Variants in BPIFB6 observed in about 807,000 individuals in gnomAD.
BPIFB6 encodes BPI fold-containing family B member 6.
A neutral mutation model predicts 54.7 loss-of-function variants in BPIFB6; 47 were observed. The observed-to-expected ratio is 0.86, with a 90% CI of 0.68 to 1.10. BPIFB6 has a LOEUF of 1.10. Ranked by LOEUF, BPIFB6 falls within the 50% of genes least tolerant of loss-of-function variation. The pLI, the probability that BPIFB6 is intolerant of heterozygous loss-of-function variation, is 0.00. For synonymous variants in BPIFB6, 255 were observed against 225.9 expected, an observed-to-expected ratio of 1.13 and a Z score of -1.16; for missense variants, 603 against 564.1, an observed-to-expected ratio of 1.07 and a Z score of -0.70.
chr20:33,035,491 C>T, intron 5 of BPIFB6, 121 bp from the exon 6 acceptor site: 2 of 1,008,788 alleles, frequency 2.0e-6, no homozygotes, highest in African/African-American at 1.6e-5. Context: ...CTTGGGACCT[C>T]AGTTTTCTCC....
chr20:33,043,393 A>C, intron 14 of BPIFB6, 26 bp downstream of exon 14: 1 of 1,597,148 alleles, frequency 6.3e-7, no homozygotes, highest in Non-Finnish European at 8.6e-7. Flanking sequence ...AGGGGAGGTC[A>C]TGTCAATCAA....
chr20:33,037,711 C>A lies in BPIFB6; in HGVS notation c.819C>A (p.Ser273=). ...LSAELALLQK[S]FHVNIQDTMI... ...CAGAGCTTGCCCTTCTGCAGAAGTC[C>A]TTTCATGTGAATATCCAGGATACAA... Residue 273 remains serine (S), a synonymous_variant, in exon 8 of 15, where the codon TCC becomes TCA. Transcript: ENST00000349552. 6.2e-7 allele frequency: 1 copy of A among 1,614,168 alleles called. No individual in the cohort carries two copies. Among genetic ancestry groups the A allele is most frequent in the Non-Finnish European group, 8.5e-7 (1 of 1,180,022 alleles).
chr20:33,032,838 C>G lies in BPIFB6; in HGVS notation c.98-146C>G, dbSNP rs1979162177. The G allele has an allele frequency of 6.5e-6, 4 of 613,970 alleles. No individual in the cohort carries two copies. In the African/African-American group the frequency reaches 7.4e-5, roughly 11 times the overall value. 38.0% of individuals were successfully genotyped at this position (613,970 alleles called of 1,614,324 possible). A position where few individuals can be genotyped will look rare whatever the true frequency, so the allele number is the denominator to read the frequency against. ...TGTCATTGCTGGTGACTCCATCTTC[C>G]CCCATTAGGCTGGGGCGCTGTGGGA... On this transcript the variant is annotated intron_variant, in intron 1 of 14. Transcript: ENST00000349552.
chr20:33,040,985 CTT>C (rs59134684), intron 11 of BPIFB6, among the ~76,000 whole-genome samples: 8,624 of 116,550 alleles, frequency 0.074, 552 homozygotes, highest in African/African-American at 0.26. Flanking sequence ...AGGAGTAGTT[CTT>C]TTTTTTTTTT....
At chr20:33,039,994 G>A (rs1301398656) in intron 10 of BPIFB6, among the ~76,000 whole-genome samples, 1 of 152,220 alleles carries the variant, frequency 6.6e-6, no homozygotes, top group African/African-American at 2.4e-5. Context: ...TCAATAGTAT[G>A]ATGTGTGCAG....
intron 3 of BPIFB6, 70 bp downstream of exon 3, chr20:33,034,360 A>T: frequency 9.7e-7 from 1 of 1,031,210 alleles, no homozygotes; most frequent in South Asian, 1.3e-5. Context: ...ATGCACATAT[A>T]TTGAGTGCCT....
At chr20:33,043,454 AAGGGT>A in intron 14 of BPIFB6, 87 bp downstream of exon 14, 1 of 1,308,102 alleles carries the variant, frequency 7.6e-7, no homozygotes, top group Non-Finnish European at 1.1e-6. Context: ...TCAAACTGGA[AAGGGT>A]AGAGCCTGGG....
intron 11 of BPIFB6, 60 bp from the exon 12 acceptor site, chr20:33,041,910 C>A (rs1034875182): frequency 4.0e-6 from 6 of 1,512,540 alleles, no homozygotes; most frequent in Middle Eastern, 1.7e-4. Flanking sequence ...AGCGCCAGGG[C>A]CACTGGCTCT....
chr20:33,036,779 C>T (rs1354955169), intron 7 of BPIFB6, among the ~76,000 whole-genome samples: 1 of 152,192 alleles, frequency 6.6e-6, no homozygotes, highest in Non-Finnish European at 1.5e-5. Flanking sequence ...CTCATGATCC[C>T]CGCTAGGCTG....
At chr20:33,038,791 G>A (rs950016080) in intron 8 of BPIFB6, 118 bp from the exon 9 acceptor site, 39 of 960,906 alleles carry the variant, frequency 4.1e-5, no homozygotes, top group African/African-American at 3.1e-4. Flanking sequence ...AACTCAGAGC[G>A]TTAAGTATTG....
At chr20:33,035,526 T>C in intron 5 of BPIFB6, 86 bp from the exon 6 acceptor site, 2 of 1,415,604 alleles carry the variant, frequency 1.4e-6, no homozygotes, top group Non-Finnish European at 2.0e-6. Flanking sequence ...ACCAGGGCTC[T>C]TGGGATGGCC....
chr20:33,037,744 C>A lies in BPIFB6; in HGVS notation c.846+6C>A, dbSNP rs1462760703. 3 of 1,613,794 alleles carry A rather than the reference C, an allele frequency of 1.9e-6. No homozygotes were observed. Among genetic ancestry groups the A allele is most frequent in the Admixed American group, 3.3e-5 (2 of 59,982 alleles). ...TGAATATCCAGGATACAATGGTGAG[C>A]TGTCCAGTTCCCCATTTCCATCTGC... On this transcript the variant is annotated splice_donor_region_variant and intron_variant, in intron 8 of 14. Transcript: ENST00000349552.
At chr20:33,037,840 A>G (rs1341528789) in intron 8 of BPIFB6, 102 bp downstream of exon 8, 1 of 1,312,804 alleles carries the variant, frequency 7.6e-7, no homozygotes. Context: ...TGTGGGCAAC[A>G]CTAGGACTGG....
intron 13 of BPIFB6, 25 bp downstream of exon 13, chr20:33,042,903 C>A: frequency 6.2e-7 from 1 of 1,608,322 alleles, no homozygotes; most frequent in Non-Finnish European, 8.5e-7. Context: ...AGGCTTTGGA[C>A]CATGGTGCCA....
rs993110722 is a variant in BPIFB6 at position 33,039,613 on chromosome 20, A to T, written c.1074+93A>T. Reference sequence around the variant, plus strand: ...TTTTTAGTTGACAGCCAAGTCATGGATCAGAGGGATCAGTTAATCTTGATT... The same window carrying T: ...TTTTTAGTTGACAGCCAAGTCATGGTTCAGAGGGATCAGTTAATCTTGATT... On this transcript the variant is annotated intron_variant, in intron 10 of 14. Transcript: ENST00000349552. The T allele has an allele frequency of 2.3e-6, 3 of 1,291,634 alleles. No homozygotes were observed. The African/African-American group carries it at 4.5e-5, about 19-fold the overall frequency. 80.0% of individuals were successfully genotyped at this position (1,291,634 alleles called of 1,614,324 possible).
At position 33,037,663 on chromosome 20, in the gene BPIFB6, G is replaced by A. The variant is rs1183114134; in HGVS notation, c.771G>A (p.Leu257=). 2.5e-6 allele frequency: 4 copies of A among 1,614,166 alleles called. No individual in the cohort carries two copies. The South Asian group carries it at 3.3e-5, about 13-fold the overall frequency. ...ATGCCAAAGGCTCGTCGCAGCTGCT[G>A]CTCCCAGCCACCTTCCTCTCTGCAG... ...EGYAKGSSQL[L]LPATFLSAEL... The change falls in exon 8 of 15, where the codon CTG becomes CTA. Residue 257 remains leucine, a synonymous_variant. Coordinates refer to ENST00000349552, the MANE Select transcript of BPIFB6 (RefSeq NM_174897.2).
At chr20:33,036,026 G>A (rs1174062139) in intron 6 of BPIFB6, among the ~76,000 whole-genome samples, 2 of 152,030 alleles carry the variant, frequency 1.3e-5, no homozygotes, top group African/African-American at 4.8e-5. Flanking sequence ...CCATCATTTT[G>A]GGGTCCCATT....
At chr20:33,042,638 G>C (rs1454367985) in intron 12 of BPIFB6, among the ~76,000 whole-genome samples, 177 bp from the exon 13 acceptor site, 2 of 152,204 alleles carry the variant, frequency 1.3e-5, no homozygotes, top group Non-Finnish European at 2.9e-5. Flanking sequence ...GAAGGACACG[G>C]GTCTACAGTC....
Position 33,036,484 on chromosome 20 carries a change from T to A in BPIFB6, c.617T>A (p.Val206Asp). ...GGCCAGATGGGCACCGTCAAATATGTTCTGATGTCCGCACCAGCCACCACA... is the reference window on the plus strand; with the variant it reads ...GGCCAGATGGGCACCGTCAAATATGATCTGATGTCCGCACCAGCCACCACA... ...PVGQMGTVKY[V>D]LMSAPATTAS... The change falls in exon 7 of 15, where the codon GTT becomes GAT. Residue 206 changes from valine (V) to aspartate (D), a missense_variant. Physicochemically the swap from Val to Asp is radical, Grantham distance 152. Transcript: ENST00000349552. 1.2e-6 allele frequency: 2 copies of A among 1,614,154 alleles called. No individual in the cohort carries two copies. Among genetic ancestry groups the A allele is most frequent in the Non-Finnish European group, 1.7e-6 (2 of 1,180,000 alleles).
Sources: allele counts gnomAD v4.1 joint callset (sites outside exome capture counted in the v4.1 genomes callset), GRCh38; gene constraint gnomAD v4.1.1; transcripts MANE v1.5; gene names NCBI Gene and HGNC (gene_info 2026-07-23, HGNC 2026-07-21).